The following GRIK1 variants were observed in gnomAD, a reference collection of about 807,000 sequenced individuals.
GRIK1 encodes glutamate ionotropic receptor kainate type subunit 1, also known as glutamate receptor ionotropic, kainate 1.
Under a neutral mutation model 105.7 loss-of-function variants are expected in GRIK1, and 69 were observed. The ratio of observed to expected loss-of-function variants is 0.65; its 90% CI spans 0.54 to 0.80. GRIK1 has a LOEUF of 0.80. Ranked by LOEUF, GRIK1 falls within the 30% of genes least tolerant of loss-of-function variation. GRIK1 has a pLI of 0.00. For missense variants in GRIK1, 1,109 were observed against 1,167.3 expected (o/e 0.95, Z 0.73); for synonymous variants, 438 against 431.3 (o/e 1.02, Z -0.19).
intron 1 of GRIK1, among the ~76,000 whole-genome samples, chr21:29,725,008 A>T (rs888282512): frequency 3.7e-5 from 3 of 82,110 alleles, no homozygotes; most frequent in East Asian, 4.5e-4. Flanking sequence ...TTTGCCACCT[A>T]AAAAAAAAAA....
chr21:29,631,066 C>T (rs1480980388), intron 7 of GRIK1, among the ~76,000 whole-genome samples: 1 of 152,060 alleles, frequency 6.6e-6, no homozygotes, highest in African/African-American at 2.4e-5. Context: ...CCTCAGTCTC[C>T]CAAAGCGCTG....
At chr21:29,758,355 G>A (rs1345766407) in intron 1 of GRIK1, among the ~76,000 whole-genome samples, 1 of 152,204 alleles carries the variant, frequency 6.6e-6, no homozygotes, top group Non-Finnish European at 1.5e-5. Context: ...ATGGCAGAAG[G>A]TGAATGAGGA....
chr21:29,625,392 G>GT, intron 7 of GRIK1, among the ~76,000 whole-genome samples: 1 of 152,282 alleles, frequency 6.6e-6, no homozygotes, highest in African/African-American at 2.4e-5. Flanking sequence ...TGGATCCTTA[G>GT]TAGAGCATAG....
At chr21:29,825,489 C>T (rs554514790) in intron 1 of GRIK1, among the ~76,000 whole-genome samples, 44 of 152,074 alleles carry the variant, frequency 2.9e-4, no homozygotes, top group African/African-American at 1.0e-3. Context: ...AGTATTTGTG[C>T]ACTCTTTTAG....
At position 29,805,219 on chromosome 21, in the gene GRIK1, A is replaced by G. The variant is rs79329150; in HGVS notation, c.119-111156T>C. Among the ~76,000 whole-genome samples, 272 of 152,264 alleles carry G rather than the reference A, an allele frequency of 1.8e-3. 1 individual carries two copies. Among genetic ancestry groups the G allele is most frequent in the African/African-American group, 6.5e-3 (269 of 41,572 alleles). ...ATCTCAGCCTAGTTGTTAGAATGCT[A>G]GAGCAGGCTTTGCTCACTCATTCAC... On this transcript the variant is annotated intron_variant, in intron 1 of 17. Transcript: ENST00000327783.
intron 7 of GRIK1, among the ~76,000 whole-genome samples, chr21:29,602,026 G>A (rs1011993306): frequency 1.2e-4 from 18 of 152,080 alleles, no homozygotes; most frequent in Non-Finnish European, 1.2e-4. Context: ...TAAAAATAGC[G>A]AAATATCTTT....
In GRIK1 at chr21:29,591,224, A is replaced by G. The variant is rs923644312; in HGVS notation, c.1253T>C (p.Ile418Thr). The change falls in exon 10 of 18, where the codon ATT becomes ACT. Residue 418 changes from isoleucine (I) to threonine (T), a missense_variant and splice_region_variant. By Grantham distance (89) the Ile-to-Thr change is moderately conservative. This residue lies in a region of GRIK1 where 612 missense variants were observed against 586.0 expected (regional missense o/e 1.04). Transcript: ENST00000327783. ...SKHLYKVWKK[I>T]GIWNSNSGLN... is the part of the protein sequence containing the mutation. ...CCCACTGTTGGAATTCCAAATCCCA[A>G]TCTACACAGAACACAGTACATCAGA... The G allele has an allele frequency of 3.2e-6, 5 of 1,553,524 alleles. No individual in the cohort carries two copies. Among genetic ancestry groups the G allele is most frequent in the Non-Finnish European group, 4.4e-6 (5 of 1,125,178 alleles).
chr21:29,732,329 C>T (rs1353327992), intron 1 of GRIK1, among the ~76,000 whole-genome samples: 1 of 152,162 alleles, frequency 6.6e-6, no homozygotes, highest in Non-Finnish European at 1.5e-5. Context: ...TTTTTAGTGT[C>T]AAATTGATAA....
At chr21:29,553,678 T>C in intron 16 of GRIK1, 4 of 1,598,818 alleles carry the variant, frequency 2.5e-6, no homozygotes, top group Admixed American at 1.8e-5. Context: ...TTTGCTTACA[T>C]TGCAGTCCAT....
intron 7 of GRIK1, among the ~76,000 whole-genome samples, chr21:29,627,520 T>C (rs148482304): frequency 1.3e-3 from 195 of 152,296 alleles, no homozygotes; most frequent in African/African-American, 4.6e-3. Context: ...TGTCCCTTTT[T>C]CTCTCCATGG....
At chr21:29,923,639 G>A (rs2071261031) in intron 1 of GRIK1, among the ~76,000 whole-genome samples, 1 of 152,172 alleles carries the variant, frequency 6.6e-6, no homozygotes, top group South Asian at 2.1e-4. Flanking sequence ...ACACGCCAAT[G>A]TTTCAGGTTT....
At chr21:29,832,760 G>C (rs1445652463) in intron 1 of GRIK1, among the ~76,000 whole-genome samples, 2 of 152,128 alleles carry the variant, frequency 1.3e-5, no homozygotes, top group African/African-American at 4.8e-5. Flanking sequence ...TTCCTTCAAG[G>C]CATTTTTTCC....
intron 3 of GRIK1, among the ~76,000 whole-genome samples, chr21:29,686,646 C>A (rs1206313769): frequency 1.3e-5 from 2 of 152,190 alleles, no homozygotes; most frequent in Non-Finnish European, 2.9e-5. Flanking sequence ...ACATATTGTC[C>A]GTGTGCTTGC....
At chr21:29,648,852 G>A (rs1004690563) in intron 6 of GRIK1, among the ~76,000 whole-genome samples, 5 of 152,262 alleles carry the variant, frequency 3.3e-5, no homozygotes, top group Middle Eastern at 3.4e-3. Context: ...TCAAGGCAGG[G>A]GGACAGCAAG....
chr21:29,756,880 G>A (rs1041163158), intron 1 of GRIK1, among the ~76,000 whole-genome samples: 1 of 152,112 alleles, frequency 6.6e-6, no homozygotes, highest in African/African-American at 2.4e-5. Context: ...TTGGGAGGCC[G>A]AGGTGGGCGG....
chr21:29,713,358 G>C (rs1251949645), intron 1 of GRIK1, among the ~76,000 whole-genome samples: 1 of 151,978 alleles, frequency 6.6e-6, no homozygotes, highest in Non-Finnish European at 1.5e-5. Context: ...TACAACCATA[G>C]TTGTAATTGA....
Position 29,923,308 on chromosome 21 carries a change from C to T in GRIK1, c.118+16075G>A, listed in dbSNP as rs557082423. ...CAGCTATAAAGGAGAATTTGTACTT[C>T]TGCATAATATCTAATGTACCACATT... On this transcript the variant is annotated intron_variant, in intron 1 of 17. Coordinates refer to ENST00000327783, the MANE Select transcript of GRIK1 (RefSeq NM_001330994.2). Among the ~76,000 whole-genome samples the T allele has an allele frequency of 5.9e-5, 9 of 152,216 alleles. No individual in the cohort carries two copies. In the East Asian group the frequency reaches 1.5e-3, roughly 26 times the overall value.
chr21:29,804,994 T>C (rs1462626033), intron 1 of GRIK1, among the ~76,000 whole-genome samples: 2 of 152,150 alleles, frequency 1.3e-5, no homozygotes, highest in Non-Finnish European at 2.9e-5. Flanking sequence ...GCTGATGTGA[T>C]GGAGTGGACA....
At chr21:29,824,942 A>G (rs941809968) in intron 1 of GRIK1, among the ~76,000 whole-genome samples, 3 of 152,020 alleles carry the variant, frequency 2.0e-5, no homozygotes, top group Non-Finnish European at 2.9e-5. Context: ...GACTTGAGTG[A>G]TGTTGATGGT....
Sources: allele counts gnomAD v4.1 joint callset (sites outside exome capture counted in the v4.1 genomes callset), GRCh38; gene constraint gnomAD v4.1.1; regional missense constraint gnomAD v4.1.1; transcripts MANE v1.5; gene names NCBI Gene and HGNC (gene_info 2026-07-23, HGNC 2026-07-21).